Variants in TENM3 observed in about 807,000 individuals in gnomAD.
TENM3 encodes teneurin transmembrane protein 3.
Under a neutral mutation model 255.1 loss-of-function variants are expected in TENM3, and 63 were observed. The ratio of observed to expected loss-of-function variants is 0.25; its 90% CI spans 0.20 to 0.30. The LOEUF is 0.30. Among genes scored for constraint, TENM3 ranks in the 10% least tolerant of loss-of-function variants. The pLI is 1.00. For synonymous variants in TENM3, 1,306 were observed against 1,322.3 expected (o/e 0.99, Z 0.27); for missense variants, 2,929 against 3,461.1 (o/e 0.85, Z 3.86).
the TENM3 span, among the ~76,000 whole-genome samples, chr4:181,948,178 G>T: frequency 2.0e-5 from 3 of 152,082 alleles, no homozygotes; most frequent in African/African-American, 7.2e-5. Context: ...TTCTATGGAG[G>T]TTACAAAACA....
Position 182,514,897 on chromosome 4 carries a change from A to G in TENM3, c.512-86027A>G, listed in dbSNP as rs534943454. ...AGAATACCAAGCATTTAAAATTTTT[A>G]AAGCTTACAGAGAGAGAGGAAGCAG... On this transcript the variant is annotated intron_variant, in intron 3 of 27. Coordinates refer to ENST00000511685, the MANE Select transcript of TENM3 (RefSeq NM_001080477.4). 4.6e-5 allele frequency among the ~76,000 whole-genome samples: 7 copies of G among 152,346 alleles called. No individual in the cohort carries two copies. The East Asian group carries it at 1.2e-3, about 25-fold the overall frequency.
intron 3 of TENM3, among the ~76,000 whole-genome samples, chr4:182,593,727 C>T (rs1746900309): frequency 6.6e-6 from 1 of 152,194 alleles, no homozygotes. Context: ...CCTTTCCTCT[C>T]ATCTCACACT....
intron 5 of TENM3, among the ~76,000 whole-genome samples, chr4:182,653,176 A>G (rs1267478137): frequency 6.6e-6 from 1 of 152,194 alleles, no homozygotes; most frequent in Non-Finnish European, 1.5e-5. Flanking sequence ...TACCTGACAC[A>G]TGTACATGCT....
intron 13 of TENM3, among the ~76,000 whole-genome samples, chr4:182,715,149 C>T (rs983009294): frequency 2.6e-5 from 4 of 152,228 alleles, no homozygotes; most frequent in Admixed American, 6.5e-5. Flanking sequence ...CTCCAAAGTG[C>T]TGGGATTACA....
the TENM3 span, among the ~76,000 whole-genome samples, chr4:182,112,493 A>T: frequency 6.6e-6 from 1 of 152,200 alleles, no homozygotes; most frequent in Non-Finnish European, 1.5e-5. Flanking sequence ...ATAAGATTTC[A>T]TTGGGTCTTC....
At chr4:182,549,915 T>G (rs1023193624) in intron 3 of TENM3, among the ~76,000 whole-genome samples, 2 of 152,134 alleles carry the variant, frequency 1.3e-5, no homozygotes, top group African/African-American at 4.8e-5. Context: ...GGCAAGAAAA[T>G]AAGAAATGTT....
intron 3 of TENM3, among the ~76,000 whole-genome samples, chr4:182,435,027 C>G (rs1771944397): frequency 6.6e-6 from 1 of 152,158 alleles, no homozygotes; most frequent in Non-Finnish European, 1.5e-5. Context: ...TCTTTGAAGT[C>G]TATAAAAATA....
At chr4:182,751,674 T>A in intron 19 of TENM3, 126 bp from the exon 20 acceptor site, 1 of 690,810 alleles carries the variant, frequency 1.4e-6, no homozygotes, top group Non-Finnish European at 2.6e-6. Flanking sequence ...ACTATTCATG[T>A]CTAATCTTTG....
intron 13 of TENM3, among the ~76,000 whole-genome samples, chr4:182,726,465 G>A (rs936624338): frequency 6.6e-6 from 1 of 152,074 alleles, no homozygotes; most frequent in Admixed American, 6.6e-5. Flanking sequence ...TATACCGGCA[G>A]CAAGGTGGCT....
chr4:182,713,113 A>T (rs1040884649), intron 12 of TENM3, among the ~76,000 whole-genome samples: 1 of 152,200 alleles, frequency 6.6e-6, no homozygotes, highest in Non-Finnish European at 1.5e-5. Flanking sequence ...GGATATATTA[A>T]ATTATTTTAA....
At chr4:181,746,559 T>C in the TENM3 span, among the ~76,000 whole-genome samples, 1 of 152,082 alleles carries the variant, frequency 6.6e-6, no homozygotes, top group East Asian at 1.9e-4. Flanking sequence ...AGGAAAAAAA[T>C]TGAAAAATTT....
the TENM3 span, among the ~76,000 whole-genome samples, chr4:181,609,185 G>C: frequency 6.6e-5 from 10 of 152,140 alleles, no homozygotes; most frequent in Non-Finnish European, 1.3e-4. Context: ...AAGGGGGTGA[G>C]GAGGCCGTTT....
At chr4:182,395,217 G>T (rs537804588) in intron 3 of TENM3, among the ~76,000 whole-genome samples, 10 of 152,218 alleles carry the variant, frequency 6.6e-5, no homozygotes, top group Non-Finnish European at 1.2e-4. Context: ...GATATACTAA[G>T]CATTTTAGGA....
intron 4 of TENM3, among the ~76,000 whole-genome samples, chr4:182,615,736 A>G (rs937735523): frequency 6.6e-6 from 1 of 152,122 alleles, no homozygotes; most frequent in African/African-American, 2.4e-5. Context: ...AAGTGAAAAA[A>G]AAAAAAGAGT....
At chr4:181,779,501 A>G in the TENM3 span, among the ~76,000 whole-genome samples, 2 of 151,880 alleles carry the variant, frequency 1.3e-5, no homozygotes, top group Admixed American at 1.3e-4. Flanking sequence ...TTTCTTTTCT[A>G]TCAATTCTGG....
At chr4:182,097,125 A>G in the TENM3 span, among the ~76,000 whole-genome samples, 1 of 152,124 alleles carries the variant, frequency 6.6e-6, no homozygotes, top group Non-Finnish European at 1.5e-5. Flanking sequence ...ACAAGGTTCA[A>G]TTTCTTGATC....
intron 1 of TENM3, among the ~76,000 whole-genome samples, chr4:182,186,952 A>G (rs1753203687): frequency 6.6e-6 from 1 of 150,884 alleles, no homozygotes; most frequent in East Asian, 2.0e-4. Context: ...AATAAATGTA[A>G]TTAGTTCAGT....
At chr4:181,849,410 G>T in the TENM3 span, among the ~76,000 whole-genome samples, 1 of 152,108 alleles carries the variant, frequency 6.6e-6, no homozygotes, top group Non-Finnish European at 1.5e-5. Flanking sequence ...TGCCCCAACA[G>T]AAACATTTTC....
chr4:181,845,389 T>C, the TENM3 span, among the ~76,000 whole-genome samples: 296 of 152,352 alleles, frequency 1.9e-3, no homozygotes, highest in Middle Eastern at 6.8e-3. Flanking sequence ...TTTTCACATT[T>C]ACTCATCTCT....
Sources: allele counts gnomAD v4.1 joint callset (sites outside exome capture counted in the v4.1 genomes callset), GRCh38; gene constraint gnomAD v4.1.1; transcripts MANE v1.5; gene names NCBI Gene and HGNC (gene_info 2026-07-23, HGNC 2026-07-21).